The following DDX21 variants were observed in gnomAD, a reference collection of about 807,000 sequenced individuals.
The protein encoded by DDX21 is DExD-box helicase 21, also known as nucleolar RNA helicase 2.
Under a neutral mutation model 90.0 loss-of-function variants are expected in DDX21, and 18 were observed. The ratio of observed to expected loss-of-function variants is 0.20; its 90% CI spans 0.14 to 0.30. DDX21 has a LOEUF of 0.30. DDX21 is among the 10% of genes least tolerant of loss of function. The pLI, the probability that DDX21 is intolerant of heterozygous loss-of-function variation, is 1.00. For synonymous variants in DDX21, 294 were observed against 318.0 expected, an observed-to-expected ratio of 0.92 and a Z score of 0.80; for missense variants, 673 against 944.5, an observed-to-expected ratio of 0.71 and a Z score of 3.77.
At chr10:68,967,855 CTT>C (rs1213785051) in intron 6 of DDX21, among the ~76,000 whole-genome samples, 1 of 151,616 alleles carries the variant, frequency 6.6e-6, no homozygotes, top group Non-Finnish European at 1.5e-5. Context: ...TGTTTAGCCA[CTT>C]TTATACAGAT....
At position 68,956,453 on chromosome 10, in the gene DDX21, C is replaced by T. The variant is rs1489258009; in HGVS notation, c.87+141C>T. 5.4e-6 allele frequency: 8 copies of T among 1,482,204 alleles called. No homozygotes were observed. The Admixed American group carries it at 6.9e-5, about 13-fold the overall frequency. The allele number at this position is 1,482,204 out of a possible 1,614,324, so 91.8% of individuals were successfully genotyped here. A position where few individuals can be genotyped will look rare whatever the true frequency, so the allele number is the denominator to read the frequency against. On this transcript the variant is annotated intron_variant, in intron 1 of 14. Coordinates refer to ENST00000354185, the MANE Select transcript of DDX21 (RefSeq NM_004728.4). ...GACACCGGGCGTGGGTCTTGGCGGG[C>T]GGTCGCCCAGGAGTGGTGCGCTCCC...
Position 68,982,558 on chromosome 10 carries a change from T to C in DDX21, c.2098T>C (p.Ser700Pro). Residue 700 changes from serine (S) to proline (P), a missense_variant, in exon 15 of 15, where the codon TCA becomes CCA. Ser to Pro is a moderately conservative substitution (Grantham distance 74). This residue lies in a region of DDX21 where 225 missense variants were observed against 298.8 expected (regional missense o/e 0.75). Transcript: ENST00000354185. ...CTCTCAACAGGAGAAATGGCATGAT[T>C]CACGACGCTGGCAGCTCTCTGTGGC... The part of the protein sequence containing the change: ...VTEIQEKWHD[S>P]RRWQLSVATE... The C allele has an allele frequency of 6.2e-7, 1 of 1,610,086 alleles. No individual in the cohort carries two copies. The highest frequency in any genetic ancestry group is 8.5e-7 in the Non-Finnish European group (1 of 1,176,504).
chr10:68,965,901 T>TAC (rs10636210), intron 5 of DDX21, among the ~76,000 whole-genome samples: 143,128 of 152,032 alleles, frequency 0.94, 67,443 homozygotes, highest in East Asian at 0.99. Context: ...GGCCAAATGT[T>TAC]AGTCTCTACT....
chr10:68,956,775 G>T (rs1842803409), intron 1 of DDX21: 3 of 1,002,350 alleles, frequency 3.0e-6, no homozygotes, highest in Non-Finnish European at 3.6e-6. Flanking sequence ...GGGTGCGGTG[G>T]CTCACGCCTG....
chr10:68,977,788 T>C, intron 12 of DDX21, 100 bp downstream of exon 12: 2 of 1,284,436 alleles, frequency 1.6e-6, no homozygotes, highest in South Asian at 3.3e-5. Flanking sequence ...CATTTTCTCA[T>C]GAAGTTAGTA....
intron 8 of DDX21, among the ~76,000 whole-genome samples, chr10:68,971,675 A>G (rs1054164686): frequency 6.6e-6 from 1 of 152,204 alleles, no homozygotes; most frequent in African/African-American, 2.4e-5. Context: ...CTCATTCTCA[A>G]CTTCAATAAG....
intron 12 of DDX21, among the ~76,000 whole-genome samples, chr10:68,978,049 G>A (rs187134063): frequency 6.6e-6 from 1 of 152,300 alleles, no homozygotes; most frequent in Non-Finnish European, 1.5e-5. Context: ...GAGCTCAGGA[G>A]GTTGAGGCTG....
intron 1 of DDX21, 138 bp downstream of exon 1, chr10:68,956,450 G>C (rs980759947): frequency 9.4e-6 from 14 of 1,485,302 alleles, no homozygotes; most frequent in Non-Finnish European, 1.3e-5. Context: ...GGGTCTTGGC[G>C]GGCGGTCGCC....
rs1050963802 is a variant in DDX21, at chr10:68,984,281, C to T, written c.*1469C>T. Reference sequence around the variant, plus strand: ...TGGTCCTGATTTCTCTTGCTTAATCCAGTCTTTATCTCTAACTGCCCCTTA... The same window carrying T: ...TGGTCCTGATTTCTCTTGCTTAATCTAGTCTTTATCTCTAACTGCCCCTTA... On this transcript the variant is annotated 3_prime_UTR_variant, in exon 15 of 15. Transcript: ENST00000354185. The T allele has an allele frequency of 6.6e-6, 1 of 152,086 alleles. No homozygotes were observed. Among genetic ancestry groups the T allele is most frequent in the Admixed American group, 6.6e-5 (1 of 15,256 alleles). The allele number at this position is 152,086 out of a possible 1,614,324, so 9.4% of individuals were successfully genotyped here.
At chr10:68,966,548 T>A (rs556646192) in intron 5 of DDX21, among the ~76,000 whole-genome samples, 6 of 152,184 alleles carry the variant, frequency 3.9e-5, no homozygotes, top group African/African-American at 1.4e-4. Context: ...GTTCAAGCGA[T>A]TCTCCTGCCT....
intron 8 of DDX21, among the ~76,000 whole-genome samples, chr10:68,970,641 T>C (rs763516484): frequency 2.0e-5 from 3 of 151,862 alleles, no homozygotes; most frequent in African/African-American, 7.3e-5. Context: ...CCACCATTCC[T>C]GGTTAATTTT....
At position 68,960,421 on chromosome 10, in the gene DDX21, C is replaced by T. The variant is rs373042246; in HGVS notation, c.531+172C>T. ...GGACTTCATCTTAAAAATTAGCATACGACAGGGCATGGTGGCTCAGCTAAG... is the reference window on the plus strand; with the variant it reads ...GGACTTCATCTTAAAAATTAGCATATGACAGGGCATGGTGGCTCAGCTAAG... On this transcript the variant is annotated intron_variant, in intron 2 of 14. Transcript: ENST00000354185. Among the ~76,000 whole-genome samples, 9 of 152,080 alleles carry T rather than the reference C, an allele frequency of 5.9e-5. No individual in the cohort carries two copies. In the South Asian group the frequency reaches 1.0e-3, roughly 18 times the overall value.
At position 68,974,651 on chromosome 10, in the gene DDX21, G is replaced by A. The variant is rs1294438011; in HGVS notation, c.1669-19G>A. ...ATTGATGGCCACTGTACATTAAACT[G>A]TGGTTCATTTTCCTGTAGGGAATTA... On this transcript the variant is annotated intron_variant, in intron 10 of 14. Coordinates refer to ENST00000354185, the MANE Select transcript of DDX21 (RefSeq NM_004728.4). The A allele has an allele frequency of 1.9e-6, 3 of 1,610,254 alleles. No individual in the cohort carries two copies. Among genetic ancestry groups the A allele is most frequent in the African/African-American group, 2.7e-5 (2 of 74,810 alleles).
intron 7 of DDX21, among the ~76,000 whole-genome samples, chr10:68,969,391 T>C (rs2132086900): frequency 6.6e-6 from 1 of 152,340 alleles, no homozygotes; most frequent in Middle Eastern, 3.4e-3. Context: ...GTGATTCTCC[T>C]GCCTCAGCCT....
rs56314802 is a variant in DDX21, at chr10:68,970,955, A to ATTTTTTTT, written c.1386+626_1386+633dup. On this transcript the variant is annotated intron_variant, in intron 8 of 14. Transcript: ENST00000354185. ...GGCATGAGCCACTGCGCCCAGCCTA[A>ATTTTTTTT]TTTTTTTTTTTTTTTTTTTTTTTTT... 1.8e-3 allele frequency among the ~76,000 whole-genome samples: 129 copies of ATTTTTTTT among 72,562 alleles called. 7 individuals carry two copies. Among genetic ancestry groups the ATTTTTTTT allele is most frequent in the Non-Finnish European group, 2.9e-3 (113 of 39,376 alleles). The allele number at this position is 72,562 out of a possible 152,430, so 47.6% of individuals were successfully genotyped here.
Position 68,962,079 on chromosome 10 carries a change from T to C in DDX21, c.532-3T>C, listed in dbSNP as rs745942077. 9 of 1,607,668 alleles carry C rather than the reference T, an allele frequency of 5.6e-6. No individual in the cohort carries two copies. Among genetic ancestry groups the C allele is most frequent in the South Asian group, 1.1e-5 (1 of 90,180 alleles). On this transcript the variant is annotated splice_polypyrimidine_tract_variant and splice_region_variant and intron_variant, in intron 2 of 14. Transcript: ENST00000354185. ...TTTCTTTCTATGGCCCTTTACTTGATAGGAAATACCTGTGGAACAAAAAGA... is the reference window on the plus strand; with the variant it reads ...TTTCTTTCTATGGCCCTTTACTTGACAGGAAATACCTGTGGAACAAAAAGA...
At chr10:68,967,248 GGT>G in intron 6 of DDX21, 45 bp downstream of exon 6, 1 of 1,574,642 alleles carries the variant, frequency 6.4e-7, no homozygotes, top group Non-Finnish European at 8.6e-7. Context: ...CCAAAGGAAG[GGT>G]GGTAACTCTG....
Position 68,956,250 on chromosome 10 carries a change from G to T in DDX21, c.25G>T (p.Ala9Ser). 6.2e-7 allele frequency: 1 copy of T among 1,614,182 alleles called. No homozygotes were observed. The highest frequency in any genetic ancestry group is 8.5e-7 in the Non-Finnish European group (1 of 1,180,030). The part of the protein sequence containing the change: MPGKLRSD[A>S]GLESDTAMKK... ...GATGCCGGGAAAACTCCGTAGTGACGCTGGTTTGGAATCAGACACCGCAAT... is the reference window on the plus strand; with the variant it reads ...GATGCCGGGAAAACTCCGTAGTGACTCTGGTTTGGAATCAGACACCGCAAT... Residue 9 changes from alanine (A) to serine (S), a missense_variant, in exon 1 of 15, where the codon GCT becomes TCT. Around this residue, in one of 4 missense-constraint regions of DDX21, gnomAD observed 204 missense variants for 221.6 expected, o/e 0.92. Coordinates refer to ENST00000354185, the MANE Select transcript of DDX21 (RefSeq NM_004728.4).
intron 9 of DDX21, among the ~76,000 whole-genome samples, chr10:68,972,274 TG>T (rs1400596947): frequency 6.6e-6 from 1 of 152,040 alleles, no homozygotes; most frequent in African/African-American, 2.4e-5. Context: ...AAAGGTGACT[TG>T]GGGATATAGT....
Sources: allele counts gnomAD v4.1 joint callset (sites outside exome capture counted in the v4.1 genomes callset), GRCh38; gene constraint gnomAD v4.1.1; regional missense constraint gnomAD v4.1.1; transcripts MANE v1.5; gene names NCBI Gene and HGNC (gene_info 2026-07-23, HGNC 2026-07-21).